Variants in GRAMD1C observed in about 807,000 individuals in gnomAD.
GRAMD1C encodes protein Aster-C.
A neutral mutation model predicts 97.8 loss-of-function variants in GRAMD1C; 89 were observed. That is an observed-to-expected ratio of 0.91 (90% CI 0.77 to 1.09). GRAMD1C has a LOEUF of 1.09. Ranked by LOEUF, GRAMD1C falls within the 50% of genes least tolerant of loss-of-function variation. GRAMD1C has a pLI of 0.00. For missense variants in GRAMD1C, 740 were observed against 766.4 expected, an observed-to-expected ratio of 0.97 and a Z score of 0.41; for synonymous variants, 256 against 267.0, an observed-to-expected ratio of 0.96 and a Z score of 0.40.
chr3:113,858,716 A>G (rs1391927175), intron 2 of GRAMD1C, among the ~76,000 whole-genome samples: 1 of 151,582 alleles, frequency 6.6e-6, no homozygotes, highest in East Asian at 1.9e-4. Context: ...TTGTATTTTT[A>G]GTAGCTGGGA....
intron 6 of GRAMD1C, among the ~76,000 whole-genome samples, chr3:113,900,160 A>G (rs981682201): frequency 6.6e-6 from 1 of 151,802 alleles, no homozygotes; most frequent in Non-Finnish European, 1.5e-5. Context: ...GGAGTTCCAG[A>G]CCAGCCTGGC....
At chr3:113,913,796 G>T (rs2632248) in intron 9 of GRAMD1C, among the ~76,000 whole-genome samples, 144,869 of 152,274 alleles carry the variant, frequency 0.95, 68,989 homozygotes, top group East Asian at 1. Context: ...ATGAATCTGT[G>T]TTTTTACTTT....
At chr3:113,850,510 C>G (rs571201070) in intron 2 of GRAMD1C, 13 of 1,577,888 alleles carry the variant, frequency 8.2e-6, no homozygotes, top group Middle Eastern at 2.1e-4. Context: ...TACTGGATGC[C>G]CTCATTGGTA....
intron 2 of GRAMD1C, among the ~76,000 whole-genome samples, chr3:113,854,375 A>C (rs1934036219): frequency 6.6e-6 from 1 of 152,120 alleles, no homozygotes; most frequent in Non-Finnish European, 1.5e-5. Context: ...TCAAAACTTC[A>C]GGTGGTGGAG....
At chr3:113,931,894 C>T (rs984451161) in intron 11 of GRAMD1C, among the ~76,000 whole-genome samples, 1 of 152,082 alleles carries the variant, frequency 6.6e-6, no homozygotes, top group Admixed American at 6.5e-5. Context: ...CCACTGCACT[C>T]TAGCCTGGGC....
chr3:113,872,372 C>T (rs1416165584), intron 3 of GRAMD1C, among the ~76,000 whole-genome samples: 1 of 150,024 alleles, frequency 6.7e-6, no homozygotes, highest in Non-Finnish European at 1.5e-5. Context: ...TACTATGAAT[C>T]CACTTCATTC....
intron 1 of GRAMD1C, among the ~76,000 whole-genome samples, chr3:113,833,334 C>A (rs1278559765): frequency 6.6e-6 from 1 of 151,924 alleles, no homozygotes; most frequent in Non-Finnish European, 1.5e-5. Flanking sequence ...GATGGGGTTT[C>A]TCCATGTTGG....
chr3:113,875,841 G>T, intron 4 of GRAMD1C: 1 of 397,082 alleles, frequency 2.5e-6, no homozygotes, highest in Non-Finnish European at 4.4e-6. Context: ...ATATCTTAAT[G>T]GCTGCCAAAA....
At chr3:113,863,937 C>G (rs530256509) in intron 2 of GRAMD1C, among the ~76,000 whole-genome samples, 1 of 152,292 alleles carries the variant, frequency 6.6e-6, no homozygotes, top group South Asian at 2.1e-4. Flanking sequence ...TCTAGATCCT[C>G]TCCTGAAAAT....
At chr3:113,832,489 A>T (rs1020149588) in intron 1 of GRAMD1C, among the ~76,000 whole-genome samples, 1 of 152,196 alleles carries the variant, frequency 6.6e-6, no homozygotes, top group Non-Finnish European at 1.5e-5. Context: ...ATCCATTTCA[A>T]GTATGGTTCA....
chr3:113,899,573 T>C (rs1936071535), intron 6 of GRAMD1C, among the ~76,000 whole-genome samples: 1 of 152,224 alleles, frequency 6.6e-6, no homozygotes, highest in South Asian at 2.1e-4. Context: ...TAAATATCTG[T>C]TGAATGAATG....
chr3:113,857,364 G>T (rs1217530822), intron 2 of GRAMD1C, among the ~76,000 whole-genome samples: 1 of 139,498 alleles, frequency 7.2e-6, no homozygotes, highest in Non-Finnish European at 1.5e-5. Context: ...AATTCAGGAA[G>T]TTCTCTTGTA....
chr3:113,923,624 T>G (rs7433560), intron 10 of GRAMD1C, among the ~76,000 whole-genome samples: 151,411 of 152,336 alleles, frequency 0.99, 75,256 homozygotes, highest in Middle Eastern at 1. Context: ...AAGCCTACTT[T>G]ATTGTGGTGA....
chr3:113,919,324 A>G (rs895157762), intron 10 of GRAMD1C: 47 of 491,754 alleles, frequency 9.6e-5, no homozygotes, highest in Middle Eastern at 1.1e-3. Context: ...GAAGATGGCA[A>G]AGTAGAAAAA....
At chr3:113,930,024 T>G (rs533675104) in intron 10 of GRAMD1C, among the ~76,000 whole-genome samples, 1 of 152,196 alleles carries the variant, frequency 6.6e-6, no homozygotes, top group African/African-American at 2.4e-5. Flanking sequence ...TTTGGCTTCA[T>G]GAAATGACCT....
chr3:113,836,542 T>C (rs1195339665), upstream of GRAMD1C, among the ~76,000 whole-genome samples: 2 of 151,550 alleles, frequency 1.3e-5, no homozygotes, highest in African/African-American at 4.8e-5. Flanking sequence ...TTTTTTTTTT[T>C]ACATCCCCAT....
chr3:113,885,633 C>A, intron 6 of GRAMD1C: 1 of 1,498,222 alleles, frequency 6.7e-7, no homozygotes, highest in Non-Finnish European at 9.3e-7. Context: ...TAAGAGGCCC[C>A]ATGTGGATTT....
Position 113,856,626 on chromosome 3 carries a change from A to T in GRAMD1C, c.174+11977A>T, listed in dbSNP as rs1337842247. Among the ~76,000 whole-genome samples, 4 of 152,068 alleles carry T rather than the reference A, an allele frequency of 2.6e-5. No individual in the cohort carries two copies. In the East Asian group the frequency reaches 7.7e-4, roughly 29 times the overall value. ...GCGATCTCAGCTCACTGCAGCCTCC[A>T]CCTCCTGAGTTCAAGCAATTCTCCC... On this transcript the variant is annotated intron_variant, in intron 2 of 17. Coordinates refer to ENST00000358160, the MANE Select transcript of GRAMD1C (RefSeq NM_017577.5).
At chr3:113,831,293 T>G (rs921264138) in intron 1 of GRAMD1C, among the ~76,000 whole-genome samples, 2 of 152,166 alleles carry the variant, frequency 1.3e-5, no homozygotes, top group African/African-American at 4.8e-5. Flanking sequence ...AACACTTCAG[T>G]CTTTCTTTGC....
Sources: gnomAD v4.1 joint callset for allele counts (sites outside exome capture counted in the v4.1 genomes callset) on GRCh38, gnomAD v4.1.1 for gene constraint, MANE v1.5 for transcripts, NCBI Gene and HGNC (gene_info 2026-07-23, HGNC 2026-07-21) for gene names.